Variants in SORCS3 observed in about 807,000 individuals in gnomAD.
The protein encoded by SORCS3 is VPS10 domain-containing receptor SorCS3.
SORCS3 carries 57 observed loss-of-function variants against 146.3 expected under a neutral mutation model. That is an observed-to-expected ratio of 0.39 (90% confidence interval 0.31 to 0.49). The LOEUF is 0.49. Ranked by LOEUF, SORCS3 falls within the 20% of genes least tolerant of loss-of-function variation. The probability of loss-of-function intolerance (pLI) is 0.92; values close to 1 mark genes in which losing one functional copy is unlikely to be tolerated. For synonymous variants in SORCS3, 653 were observed against 618.5 expected (o/e 1.06, Z -0.83); for missense variants, 1,341 against 1,575.5 (o/e 0.85, Z 2.52).
intron 1 of SORCS3, among the ~76,000 whole-genome samples, chr10:104,782,395 G>A (rs1332497519): frequency 6.6e-6 from 1 of 152,144 alleles, no homozygotes; most frequent in Admixed American, 6.5e-5. Context: ...TGTTGAGGCT[G>A]TGTTGCTTCC....
At chr10:104,691,920 G>A (rs2016118002) in intron 1 of SORCS3, among the ~76,000 whole-genome samples, 1 of 151,856 alleles carries the variant, frequency 6.6e-6, no homozygotes, top group Admixed American at 6.6e-5. Flanking sequence ...TTTTGTTATT[G>A]TTGAGGTGAG....
chr10:104,749,449 G>A (rs146624238), intron 1 of SORCS3, among the ~76,000 whole-genome samples: 2 of 152,088 alleles, frequency 1.3e-5, no homozygotes, highest in African/African-American at 2.4e-5. Context: ...AAAAATTGGG[G>A]CATCTTTGGC....
chr10:104,901,818 G>T (rs1181902450), intron 2 of SORCS3, among the ~76,000 whole-genome samples: 1 of 152,154 alleles, frequency 6.6e-6, no homozygotes, highest in Non-Finnish European at 1.5e-5. Context: ...TCCCACTGGT[G>T]CCTAGATTAG....
intron 4 of SORCS3, among the ~76,000 whole-genome samples, chr10:104,992,231 G>C (rs2054998749): frequency 6.6e-6 from 1 of 152,108 alleles, no homozygotes; most frequent in Non-Finnish European, 1.5e-5. Context: ...TTCCAAGCTG[G>C]TCTTTGGCCT....
rs780471641 is a variant in SORCS3 at position 105,178,113 on chromosome 10, C to T, written c.1949C>T (p.Ser650Leu). Residue 650 changes from serine to leucine, a missense_variant, in exon 14 of 27, where the codon TCG (serine) becomes TTG (leucine). Transcript: ENST00000369701. ...GHSWDKYGFT[S>L]VPLFVDGALV... ...TCTTGGGACAAGTATGGTTTCACTT[C>T]GGTTCCTCTCTTTGTTGACGGGGCT... 51 of 1,613,550 alleles carry T rather than the reference C, an allele frequency of 3.2e-5. No homozygotes were observed. Among genetic ancestry groups the T allele is most frequent in the Admixed American group, 6.7e-5 (4 of 59,956 alleles).
At chr10:104,918,156 T>C (rs7086782) in intron 3 of SORCS3, among the ~76,000 whole-genome samples, 49,717 of 152,096 alleles carry the variant, frequency 0.33, 9,657 homozygotes, top group African/African-American at 0.54. Flanking sequence ...AAGTTCTAGG[T>C]GGCCTCTCTA....
At chr10:104,892,138 G>A (rs1190282699) in intron 2 of SORCS3, among the ~76,000 whole-genome samples, 1 of 152,186 alleles carries the variant, frequency 6.6e-6, no homozygotes, top group Non-Finnish European at 1.5e-5. Flanking sequence ...CCAGCTTGAT[G>A]GTTAAAATGT....
chr10:104,742,451 C>A (rs1363006342), intron 1 of SORCS3, among the ~76,000 whole-genome samples: 1 of 152,174 alleles, frequency 6.6e-6, no homozygotes, highest in African/African-American at 2.4e-5. Flanking sequence ...AAGTAAGGCC[C>A]TGTTTGTCCT....
At chr10:104,778,073 A>T (rs2017330070) in intron 1 of SORCS3, among the ~76,000 whole-genome samples, 1 of 152,198 alleles carries the variant, frequency 6.6e-6, no homozygotes, top group Admixed American at 6.5e-5. Flanking sequence ...AATTATAGTT[A>T]ACAGTAATAT....
chr10:104,965,274 G>A (rs1001833215), intron 3 of SORCS3, among the ~76,000 whole-genome samples: 2 of 152,086 alleles, frequency 1.3e-5, no homozygotes, highest in Non-Finnish European at 2.9e-5. Flanking sequence ...ATTTATACTT[G>A]CATCAACACT....
chr10:104,701,570 C>G (rs910848602), intron 1 of SORCS3, among the ~76,000 whole-genome samples: 1 of 152,162 alleles, frequency 6.6e-6, no homozygotes, highest in Non-Finnish European at 1.5e-5. Flanking sequence ...GACCATTTTA[C>G]AAGGCATGCT....
chr10:105,210,951 T>C (rs527283324), intron 16 of SORCS3, among the ~76,000 whole-genome samples, 186 bp from the exon 17 acceptor site: 14 of 152,336 alleles, frequency 9.2e-5, no homozygotes, highest in South Asian at 4.1e-4. Context: ...CCAAATGATT[T>C]GGAATTATTT....
At chr10:105,039,411 C>G (rs548224416) in intron 4 of SORCS3, among the ~76,000 whole-genome samples, 2 of 149,362 alleles carry the variant, frequency 1.3e-5, no homozygotes, top group South Asian at 4.3e-4. Flanking sequence ...GGAGGTGAAA[C>G]AGGCCTGAGT....
chr10:105,248,923 A>G (rs539751179), intron 22 of SORCS3, among the ~76,000 whole-genome samples: 1 of 152,158 alleles, frequency 6.6e-6, no homozygotes, highest in East Asian at 1.9e-4. Flanking sequence ...TCTTTTTTTT[A>G]TTTCAGTAAG....
chr10:104,647,811 G>T (rs1224705213), intron 1 of SORCS3, among the ~76,000 whole-genome samples: 1 of 152,170 alleles, frequency 6.6e-6, no homozygotes, highest in Non-Finnish European at 1.5e-5. Flanking sequence ...ATTCAGAGGG[G>T]TCTCTACACT....
At chr10:105,046,338 A>G (rs1352542076) in intron 5 of SORCS3, among the ~76,000 whole-genome samples, 1 of 152,042 alleles carries the variant, frequency 6.6e-6, no homozygotes, top group Admixed American at 6.6e-5. Context: ...TAAGCTGCAC[A>G]TTTGCAAGTG....
At chr10:104,977,532 G>C (rs1340300318) in intron 4 of SORCS3, 39 bp downstream of exon 4, 1 of 1,523,320 alleles carries the variant, frequency 6.6e-7, no homozygotes, top group Non-Finnish European at 8.8e-7. Context: ...TTGTCATCCA[G>C]GTACCACCAT....
chr10:105,163,218 G>A (rs1474787385), intron 11 of SORCS3, among the ~76,000 whole-genome samples: 1 of 152,098 alleles, frequency 6.6e-6, no homozygotes, highest in Admixed American at 6.5e-5. Context: ...CTGTAGCCTG[G>A]CTTTAATTTC....
At chr10:105,045,021 G>GAAAAAAAAAAAA (rs35904016) in intron 5 of SORCS3, among the ~76,000 whole-genome samples, 9 of 117,984 alleles carry the variant, frequency 7.6e-5, no homozygotes, top group African/African-American at 1.7e-4. Flanking sequence ...TCCAGAATTC[G>GAAAAAAAAAAAA]AAAAAAAAAA....
Sources: allele counts gnomAD v4.1 joint callset (sites outside exome capture counted in the v4.1 genomes callset), GRCh38; gene constraint gnomAD v4.1.1; transcripts MANE v1.5; gene names NCBI Gene and HGNC (gene_info 2026-07-23, HGNC 2026-07-21).